Variants in CLDN10 observed in about 807,000 individuals in gnomAD.
CLDN10 encodes the protein claudin 10.
CLDN10 carries 15 observed loss-of-function variants against 22.9 expected under a neutral mutation model. The ratio of observed to expected loss-of-function variants is 0.65; its 90% CI spans 0.44 to 1.01. The LOEUF is 1.01. CLDN10 is among the 50% of genes least tolerant of loss of function. CLDN10 has a pLI of 0.00. For synonymous variants in CLDN10, 114 were observed against 111.4 expected (o/e 1.02, Z -0.15); for missense variants, 247 against 287.8 (o/e 0.86, Z 1.03).
intron 1 of CLDN10, among the ~76,000 whole-genome samples, chr13:95,438,975 C>CAAAAAAA (rs397851895): frequency 6.4e-5 from 4 of 62,210 alleles, no homozygotes; most frequent in African/African-American, 1.3e-4. Flanking sequence ...GACTCCATCG[C>CAAAAAAA]AAAAAAAAAA....
intron 1 of CLDN10, among the ~76,000 whole-genome samples, chr13:95,460,042 G>A (rs2042520060): frequency 1.3e-5 from 2 of 152,154 alleles, no homozygotes; most frequent in Admixed American, 1.3e-4. Context: ...CTCTAGGGCA[G>A]GGGCAAAGTG....
chr13:95,485,612 C>CT (rs1390745537), intron 1 of CLDN10, among the ~76,000 whole-genome samples: 3 of 152,216 alleles, frequency 2.0e-5, no homozygotes, highest in Non-Finnish European at 4.4e-5. Flanking sequence ...CTAATCAGGC[C>CT]TAATCCATAT....
chr13:95,547,457 T>C (rs1355548400), intron 1 of CLDN10, among the ~76,000 whole-genome samples: 1 of 152,214 alleles, frequency 6.6e-6, no homozygotes, highest in Non-Finnish European at 1.5e-5. Context: ...AATGTAATTG[T>C]ATCTCTTTAA....
intron 3 of CLDN10, 118 bp from the exon 4 acceptor site, chr13:95,577,108 CCTTTA>C: frequency 1.5e-6 from 1 of 670,094 alleles, no homozygotes; most frequent in Non-Finnish European, 2.6e-6. Context: ...GTTATTATTT[CCTTTA>C]CAATTTTCAA....
intron 1 of CLDN10, among the ~76,000 whole-genome samples, chr13:95,483,806 CT>C (rs2042775256): frequency 6.6e-6 from 1 of 152,172 alleles, no homozygotes; most frequent in Non-Finnish European, 1.5e-5. Context: ...CATGAGTGTG[CT>C]ATGGTCTGAA....
At chr13:95,535,371 A>T (rs2043389465) in intron 1 of CLDN10, among the ~76,000 whole-genome samples, 2 of 152,000 alleles carry the variant, frequency 1.3e-5, no homozygotes, top group South Asian at 4.2e-4. Context: ...AACTGGGAAG[A>T]GTAGTGTGGG....
intron 1 of CLDN10, among the ~76,000 whole-genome samples, chr13:95,523,817 C>G (rs922498215): frequency 6.6e-6 from 1 of 152,126 alleles, no homozygotes; most frequent in African/African-American, 2.4e-5. Context: ...GGCCAGATAA[C>G]TGTTGTTGGG....
intron 1 of CLDN10, among the ~76,000 whole-genome samples, chr13:95,463,224 ATATG>A (rs1407312525): frequency 1.4e-5 from 2 of 144,252 alleles, no homozygotes; most frequent in African/African-American, 5.0e-5. Flanking sequence ...ATACACATAT[ATATG>A]TATGTATATA....
At position 95,578,612 on chromosome 13, in the gene CLDN10, TCATGGCCATATCCACATGCC is replaced by T. The variant is rs1281781961; in HGVS notation, c.*607_*626del. 1 of 152,244 alleles carries T rather than the reference TCATGGCCATATCCACATGCC, an allele frequency of 6.6e-6. No individual in the cohort carries two copies. The highest frequency in any genetic ancestry group is 1.9e-4 in the East Asian group (1 of 5,208). 9.4% of individuals were successfully genotyped at this position (152,244 alleles called of 1,614,324 possible). On this transcript the variant is annotated 3_prime_UTR_variant, in exon 5 of 5. Coordinates refer to ENST00000299339, the MANE Select transcript of CLDN10 (RefSeq NM_006984.5). Reference sequence around the variant, plus strand: ...CAGGATCAGAGAGGATCTTGCTCATTCATGGCCATATCCACATGCCCATGGCCACTCAGTAGATTGTTGAA... The same window carrying T: ...CAGGATCAGAGAGGATCTTGCTCATTCATGGCCACTCAGTAGATTGTTGAA...
chr13:95,438,904 A>C (rs2042297162), intron 1 of CLDN10, among the ~76,000 whole-genome samples: 1 of 146,458 alleles, frequency 6.8e-6, no homozygotes. Context: ...ACTTGAACCC[A>C]GGAAGCAGAG....
At chr13:95,567,995 C>T (rs1366981830) in intron 3 of CLDN10, among the ~76,000 whole-genome samples, 1 of 152,188 alleles carries the variant, frequency 6.6e-6, no homozygotes, top group Non-Finnish European at 1.5e-5. Flanking sequence ...GTTGAATGGA[C>T]ACTAGACAAT....
chr13:95,508,622 G>A (rs530617964), intron 1 of CLDN10, among the ~76,000 whole-genome samples: 9 of 152,354 alleles, frequency 5.9e-5, no homozygotes, highest in African/African-American at 2.2e-4. Context: ...GACCAGAACT[G>A]GGATTGAAAT....
At chr13:95,576,798 T>C (rs2043935639) in intron 3 of CLDN10, among the ~76,000 whole-genome samples, 1 of 152,208 alleles carries the variant, frequency 6.6e-6, no homozygotes, top group African/African-American at 2.4e-5. Context: ...AGCACGTGCT[T>C]AATAAACATT....
intron 1 of CLDN10, among the ~76,000 whole-genome samples, chr13:95,443,016 C>G (rs558957515): frequency 1.3e-3 from 202 of 152,270 alleles, no homozygotes; most frequent in Admixed American, 2.7e-3. Flanking sequence ...GTGTGTTTTA[C>G]GAAGTGCTTT....
intron 1 of CLDN10, among the ~76,000 whole-genome samples, chr13:95,537,990 A>G (rs954748939): frequency 1.4e-4 from 21 of 152,200 alleles, no homozygotes; most frequent in African/African-American, 4.6e-4. Flanking sequence ...GGGCAAATGC[A>G]GAGCTAAATT....
intron 1 of CLDN10, among the ~76,000 whole-genome samples, chr13:95,447,219 T>A (rs2042389480): frequency 6.6e-6 from 1 of 152,210 alleles, no homozygotes; most frequent in South Asian, 2.1e-4. Context: ...TACGGCCATA[T>A]GTTCTCCTTT....
chr13:95,493,882 C>T (rs2042902089), intron 1 of CLDN10, among the ~76,000 whole-genome samples: 1 of 152,042 alleles, frequency 6.6e-6, no homozygotes. Context: ...TTGTGTCTGG[C>T]TTATTTCACT....
chr13:95,484,357 TG>T (rs1334252679), intron 1 of CLDN10, among the ~76,000 whole-genome samples: 1 of 152,246 alleles, frequency 6.6e-6, no homozygotes, highest in African/African-American at 2.4e-5. Flanking sequence ...ACTTCTTGAC[TG>T]GTCTTTCTAC....
intron 1 of CLDN10, among the ~76,000 whole-genome samples, chr13:95,529,421 A>T (rs2043317846): frequency 1.3e-5 from 2 of 152,308 alleles, no homozygotes; most frequent in South Asian, 4.1e-4. Context: ...TACATAGAAA[A>T]CAGGGCTTGA....
Sources: gnomAD v4.1 joint callset for allele counts (sites outside exome capture counted in the v4.1 genomes callset) on GRCh38, gnomAD v4.1.1 for gene constraint, MANE v1.5 for transcripts, NCBI Gene and HGNC (gene_info 2026-07-23, HGNC 2026-07-21) for gene names.